The following GPC6 variants were observed in gnomAD, a reference collection of about 807,000 sequenced individuals.
GPC6 encodes glypican 6.
In GPC6, 14 loss-of-function variants were observed where a neutral mutation model predicts 55.2. The observed-to-expected ratio is 0.25, with a 90% CI of 0.17 to 0.40. The LOEUF is 0.40. GPC6 is among the 10% of genes least tolerant of loss of function. GPC6 has a pLI of 1.00. For synonymous variants in GPC6, 278 were observed against 259.6 expected (o/e 1.07, Z -0.68); for missense variants, 641 against 708.5 (o/e 0.90, Z 1.08).
At chr13:94,261,629 A>C (rs1891660873) in intron 4 of GPC6, among the ~76,000 whole-genome samples, 1 of 152,254 alleles carries the variant, frequency 6.6e-6, no homozygotes, top group Admixed American at 6.5e-5. Flanking sequence ...ATGCTTAAGA[A>C]ATGAGCACAC....
chr13:93,900,042 A>T (rs1320740789), intron 3 of GPC6, among the ~76,000 whole-genome samples: 1 of 152,156 alleles, frequency 6.6e-6, no homozygotes, highest in Non-Finnish European at 1.5e-5. Context: ...GTGGACTCAA[A>T]CAAAATTTCT....
chr13:93,399,908 T>C (rs1876006864), intron 1 of GPC6, among the ~76,000 whole-genome samples: 3 of 152,242 alleles, frequency 2.0e-5, no homozygotes, highest in Admixed American at 2.0e-4. Context: ...GGAATAAATA[T>C]GTTGCTAGAA....
chr13:93,822,594 C>T (rs1427528657), intron 2 of GPC6, among the ~76,000 whole-genome samples: 1 of 151,798 alleles, frequency 6.6e-6, no homozygotes. Flanking sequence ...TATCCCTCCC[C>T]TAGACCCCCA....
rs1168913787 is a variant in GPC6, at chr13:93,314,170, A to G, written c.160+86554A>G. 2.0e-5 allele frequency among the ~76,000 whole-genome samples: 3 copies of G among 152,160 alleles called. No homozygotes were observed. The East Asian group carries it at 5.8e-4, about 29-fold the overall frequency. On this transcript the variant is annotated intron_variant, in intron 1 of 8. Transcript: ENST00000377047. ...TTTTATAGGCAGACAGAATTGCATA[A>G]AAGAATTTTTTTTCCTCTTGGCTTA...
intron 4 of GPC6, among the ~76,000 whole-genome samples, chr13:94,074,081 A>G (rs909746328): frequency 1.3e-5 from 2 of 152,182 alleles, no homozygotes; most frequent in African/African-American, 4.8e-5. Context: ...AGCTGTGCAT[A>G]TTTTCTCAGA....
chr13:93,863,445 G>T (rs1057204070), intron 3 of GPC6, among the ~76,000 whole-genome samples: 2 of 151,570 alleles, frequency 1.3e-5, no homozygotes, highest in Non-Finnish European at 3.0e-5. Flanking sequence ...TTAGTAATTT[G>T]TTAAATCCAA....
At chr13:93,594,113 G>C (rs1224099912) in intron 2 of GPC6, among the ~76,000 whole-genome samples, 1 of 151,876 alleles carries the variant, frequency 6.6e-6, no homozygotes. Context: ...GGAGCTTAGA[G>C]GTAAGCAGGA....
intron 5 of GPC6, among the ~76,000 whole-genome samples, chr13:94,298,049 A>C (rs568371782): frequency 4.6e-5 from 7 of 152,122 alleles, no homozygotes; most frequent in African/African-American, 9.7e-5. Flanking sequence ...TAAAAAAAAA[A>C]CTGACATTTA....
At chr13:93,444,495 T>G (rs919783343) in intron 1 of GPC6, among the ~76,000 whole-genome samples, 2 of 152,118 alleles carry the variant, frequency 1.3e-5, no homozygotes, top group African/African-American at 4.8e-5. Context: ...TAGTCCCAGC[T>G]ACGCGGGAGA....
At chr13:93,390,389 T>C (rs1326647434) in intron 1 of GPC6, among the ~76,000 whole-genome samples, 1 of 152,108 alleles carries the variant, frequency 6.6e-6, no homozygotes, top group South Asian at 2.1e-4. Flanking sequence ...TATGACTTTC[T>C]CCTTTTCTGT....
chr13:94,187,252 A>G (rs1889229638), intron 4 of GPC6: 1 of 152,218 alleles, frequency 6.6e-6, no homozygotes, highest in Non-Finnish European at 1.5e-5. Flanking sequence ...TGTTTTATGC[A>G]GTGAATCACC....
At chr13:94,006,704 C>A (rs534743394) in intron 3 of GPC6, among the ~76,000 whole-genome samples, 21 of 152,146 alleles carry the variant, frequency 1.4e-4, no homozygotes, top group Admixed American at 2.0e-4. Context: ...TAGGCGCCAC[C>A]AACTATGAGT....
intron 4 of GPC6, among the ~76,000 whole-genome samples, chr13:94,084,619 C>T (rs9524327): frequency 0.53 from 36,010 of 68,162 alleles, 4,361 homozygotes; most frequent in South Asian, 0.58. Flanking sequence ...TACATGGAGG[C>T]AATTTGTTTG....
chr13:94,267,329 G>A (rs935851025), intron 4 of GPC6, among the ~76,000 whole-genome samples: 3 of 152,172 alleles, frequency 2.0e-5, no homozygotes, highest in Non-Finnish European at 4.4e-5. Flanking sequence ...AATAGTGTTA[G>A]TAAATACGTA....
intron 6 of GPC6, among the ~76,000 whole-genome samples, chr13:94,328,324 G>T (rs1472305259): frequency 1.3e-5 from 2 of 152,164 alleles, no homozygotes; most frequent in Non-Finnish European, 2.9e-5. Context: ...TTCCATGCCC[G>T]ATGCCAATGT....
chr13:94,324,271 G>T (rs181195949), intron 6 of GPC6, among the ~76,000 whole-genome samples: 2 of 149,362 alleles, frequency 1.3e-5, no homozygotes, highest in Admixed American at 1.3e-4. Context: ...GTACATGCCT[G>T]TGGCCTCAGG....
At chr13:93,501,886 C>T (rs1450862656) in intron 1 of GPC6, among the ~76,000 whole-genome samples, 3 of 152,072 alleles carry the variant, frequency 2.0e-5, no homozygotes, top group Non-Finnish European at 4.4e-5. Flanking sequence ...TTCTTTTTTA[C>T]AGTTTTCAGA....
At chr13:93,444,424 C>T (rs1227796597) in intron 1 of GPC6, among the ~76,000 whole-genome samples, 3 of 151,940 alleles carry the variant, frequency 2.0e-5, no homozygotes, top group African/African-American at 7.3e-5. Context: ...CTGCCTAATA[C>T]GGTGAAACTT....
chr13:94,278,897 CT>C (rs1566627033), intron 4 of GPC6, among the ~76,000 whole-genome samples: 1 of 151,996 alleles, frequency 6.6e-6, no homozygotes, highest in African/African-American at 2.4e-5. Flanking sequence ...CTGAAGTTTT[CT>C]TTTTTTGTTA....
Sources: allele counts gnomAD v4.1 joint callset (sites outside exome capture counted in the v4.1 genomes callset), GRCh38; gene constraint gnomAD v4.1.1; transcripts MANE v1.5; gene names NCBI Gene and HGNC (gene_info 2026-07-23, HGNC 2026-07-21).